VWA3B: variants seen among roughly 807,000 people sequenced by gnomAD.
The protein encoded by VWA3B is von Willebrand factor A domain-containing protein 3B.
A neutral mutation model predicts 158.3 loss-of-function variants in VWA3B; 138 were observed. The ratio of observed to expected loss-of-function variants is 0.87; its 90% CI spans 0.76 to 1.00. The LOEUF is 1.00. VWA3B is among the 50% of genes least tolerant of loss of function. The pLI is 0.00. For synonymous variants in VWA3B, 596 were observed against 587.3 expected, an observed-to-expected ratio of 1.01 and a Z score of -0.21; for missense variants, 1,555 against 1,565.1, an observed-to-expected ratio of 0.99 and a Z score of 0.11.
At chr2:98,087,922 G>A (rs1473616272) in intron 1 of VWA3B, among the ~76,000 whole-genome samples, 1 of 152,098 alleles carries the variant, frequency 6.6e-6, no homozygotes, top group African/African-American at 2.4e-5. Context: ...TTTCTTCTCA[G>A]CAATGACCTT....
At chr2:98,289,238 C>CAT (rs2105943908) in intron 22 of VWA3B, among the ~76,000 whole-genome samples, 1 of 152,170 alleles carries the variant, frequency 6.6e-6, no homozygotes, top group African/African-American at 2.4e-5. Flanking sequence ...TCTATATATG[C>CAT]ATATATTTCC....
chr2:98,327,913 T>A, the VWA3B span, among the ~76,000 whole-genome samples: 1 of 152,232 alleles, frequency 6.6e-6, no homozygotes, highest in East Asian at 1.9e-4. Flanking sequence ...ATTGCTCAGA[T>A]AGGGCCCTGA....
At chr2:98,203,007 GT>G (rs1682697250) in intron 12 of VWA3B, among the ~76,000 whole-genome samples, 1 of 151,990 alleles carries the variant, frequency 6.6e-6, no homozygotes, top group African/African-American at 2.4e-5. Flanking sequence ...TAATTTTTGT[GT>G]TTTTAGTAGA....
chr2:98,278,996 G>A (rs982488688), intron 22 of VWA3B, among the ~76,000 whole-genome samples: 2 of 152,192 alleles, frequency 1.3e-5, no homozygotes, highest in Non-Finnish European at 2.9e-5. Flanking sequence ...AGACAGCACT[G>A]CAGTGATGGT....
At chr2:98,128,927 C>T (rs1235129565) in intron 6 of VWA3B, among the ~76,000 whole-genome samples, 1 of 152,280 alleles carries the variant, frequency 6.6e-6, no homozygotes, top group African/African-American at 2.4e-5. Flanking sequence ...CCCCTCACTC[C>T]CTCTGCCTCC....
At chr2:98,087,580 TC>T (rs1443783853) in intron 1 of VWA3B, among the ~76,000 whole-genome samples, 1 of 152,050 alleles carries the variant, frequency 6.6e-6, no homozygotes, top group African/African-American at 2.4e-5. Flanking sequence ...TACCGACCCC[TC>T]CTACTCTAGA....
At chr2:98,316,668 G>T (rs1371334381), downstream of VWA3B, among the ~76,000 whole-genome samples, 3 of 150,658 alleles carry the variant, frequency 2.0e-5, no homozygotes, top group East Asian at 5.9e-4. Context: ...AAAAAAAAGT[G>T]TAATCCCCAA....
Position 98,187,973 on chromosome 2 carries a change from A to C in VWA3B, c.1312-2A>C. On this transcript the variant is annotated splice_acceptor_variant, in intron 9 of 27. Coordinates refer to ENST00000477737, the MANE Select transcript of VWA3B (RefSeq NM_144992.5). LOFTEE classifies it high-confidence loss of function. ...GGCTTCTGTCCTTTGTCATCTCCTTAGGAGACGAACAAGAAGACAGTCCAT... is the reference window on the plus strand; with the variant it reads ...GGCTTCTGTCCTTTGTCATCTCCTTCGGAGACGAACAAGAAGACAGTCCAT... The C allele has an allele frequency of 6.2e-7, 1 of 1,609,340 alleles. No individual in the cohort carries two copies. Among genetic ancestry groups the C allele is most frequent in the South Asian group, 1.1e-5 (1 of 90,086 alleles).
chr2:98,091,661 C>A (rs894947276), intron 1 of VWA3B, among the ~76,000 whole-genome samples: 1 of 152,216 alleles, frequency 6.6e-6, no homozygotes, highest in African/African-American at 2.4e-5. Context: ...GATAATACTT[C>A]TAACTCCTTT....
At position 98,190,445 on chromosome 2, in the gene VWA3B, T is replaced by C. The variant is rs191712110; in HGVS notation, c.1466+2316T>C. On this transcript the variant is annotated intron_variant, in intron 10 of 27. Coordinates refer to ENST00000477737, the MANE Select transcript of VWA3B (RefSeq NM_144992.5). The stretch of plus-strand genomic sequence containing the variant: ...TGTATTTTATATTTAACCACATACT[T>C]GATATCTCTGTTGCTTTTTATTCCT... Among the ~76,000 whole-genome samples, 28 of 152,352 alleles carry C rather than the reference T, an allele frequency of 1.8e-4. 1 individual carries two copies. The highest frequency in any genetic ancestry group is 1.7e-3 in the Admixed American group (26 of 15,306).
Position 98,194,354 on chromosome 2 carries a change from C to G in VWA3B, c.1606-7C>G. On this transcript the variant is annotated splice_region_variant and splice_polypyrimidine_tract_variant and intron_variant, in intron 11 of 27. Transcript: ENST00000477737. ...TTTTATGGTTAAATAATCATTGTCT[C>G]TTTTAGGAACAGCTGAAATATAAAA... 2 of 1,613,042 alleles carry G rather than the reference C, an allele frequency of 1.2e-6. No homozygotes were observed. The highest frequency in any genetic ancestry group is 8.5e-7 in the Non-Finnish European group (1 of 1,179,252).
At chr2:98,274,365 C>T (rs865898771) in intron 22 of VWA3B, among the ~76,000 whole-genome samples, 4 of 152,170 alleles carry the variant, frequency 2.6e-5, no homozygotes, top group African/African-American at 9.7e-5. Context: ...CCCTTACAGC[C>T]TTTCACTGTA....
chr2:98,297,759 C>CTACT (rs1689900837), intron 23 of VWA3B, 148 bp from the exon 24 acceptor site: 2 of 1,109,048 alleles, frequency 1.8e-6, no homozygotes, highest in African/African-American at 3.3e-5. Flanking sequence ...CCTATGGTGC[C>CTACT]CAAGATTATC....
At chr2:98,101,995 G>A (rs1206572535) in intron 2 of VWA3B, among the ~76,000 whole-genome samples, 3 of 152,258 alleles carry the variant, frequency 2.0e-5, no homozygotes, top group South Asian at 4.2e-4. Context: ...AAGGTCTCTG[G>A]TTTTCCTAGG....
At chr2:98,200,600 C>T (rs1448709381) in intron 12 of VWA3B, among the ~76,000 whole-genome samples, 2 of 150,426 alleles carry the variant, frequency 1.3e-5, no homozygotes, top group Non-Finnish European at 1.5e-5. Context: ...TAAACTTTAT[C>T]AGACTTACAA....
chr2:98,252,495 C>A (rs1011253393), intron 20 of VWA3B, among the ~76,000 whole-genome samples: 10 of 152,032 alleles, frequency 6.6e-5, no homozygotes. Flanking sequence ...AGATGGTTCG[C>A]GGGGGTTTCC....
intron 7 of VWA3B, among the ~76,000 whole-genome samples, chr2:98,152,891 G>A (rs1361379315): frequency 6.6e-6 from 1 of 152,244 alleles, no homozygotes; most frequent in Non-Finnish European, 1.5e-5. Context: ...TTATACACAA[G>A]GGAGAAGAGG....
At chr2:98,237,679 T>G (rs1349367818) in intron 19 of VWA3B, among the ~76,000 whole-genome samples, 4 of 152,154 alleles carry the variant, frequency 2.6e-5, no homozygotes, top group African/African-American at 9.7e-5. Context: ...CATGAGAACA[T>G]GAAGACGGAA....
chr2:98,264,648 A>G (rs1231551319), intron 21 of VWA3B, among the ~76,000 whole-genome samples: 1 of 151,990 alleles, frequency 6.6e-6, no homozygotes, highest in Non-Finnish European at 1.5e-5. Flanking sequence ...TATTCTGGAG[A>G]ATATTCCATG....
Sources: allele counts gnomAD v4.1 joint callset (sites outside exome capture counted in the v4.1 genomes callset), GRCh38; gene constraint gnomAD v4.1.1; transcripts MANE v1.5; gene names NCBI Gene and HGNC (gene_info 2026-07-23, HGNC 2026-07-21).